The following RANBP2 variants were observed in gnomAD, a reference collection of about 807,000 sequenced individuals.
The protein encoded by RANBP2 is E3 SUMO-protein ligase RanBP2.
Under a neutral mutation model 303.6 loss-of-function variants are expected in RANBP2, and 57 were observed. The ratio of observed to expected loss-of-function variants is 0.19; its 90% CI spans 0.15 to 0.23. RANBP2 has a LOEUF of 0.23. Ranked by LOEUF, RANBP2 falls within the 10% of genes least tolerant of loss-of-function variation. The pLI is 1.00. For synonymous variants in RANBP2, 1,167 were observed against 1,301.5 expected, an observed-to-expected ratio of 0.90 and a Z score of 2.23; for missense variants, 3,138 against 3,780.8, an observed-to-expected ratio of 0.83 and a Z score of 4.46.
At chr2:109,106,020 AT>A in the RANBP2 span, among the ~76,000 whole-genome samples, 1,155 of 142,600 alleles carry the variant, frequency 8.1e-3, 10 homozygotes, top group African/African-American at 0.019. Context: ...TGCCCGGCTA[AT>A]TTTTTTTTTT....
chr2:109,099,669 G>A, the RANBP2 span, among the ~76,000 whole-genome samples: 1 of 152,104 alleles, frequency 6.6e-6, no homozygotes, highest in African/African-American at 2.4e-5. Flanking sequence ...TCTTATAAGG[G>A]GTGGAGGTGA....
chr2:109,020,333 T>C, the RANBP2 span, among the ~76,000 whole-genome samples: 21,566 of 152,060 alleles, frequency 0.14, 2,256 homozygotes, highest in African/African-American at 0.29. Flanking sequence ...ATAACCCTTC[T>C]CCCCGGTTTA....
chr2:108,897,752 C>G, the RANBP2 span, among the ~76,000 whole-genome samples: 1 of 152,168 alleles, frequency 6.6e-6, no homozygotes. Flanking sequence ...ATTAGACTCA[C>G]CTAGGAGCAT....
chr2:109,765,081 G>A, the RANBP2 span, among the ~76,000 whole-genome samples: 1 of 123,508 alleles, frequency 8.1e-6, no homozygotes, highest in East Asian at 2.5e-4. Context: ...TGTTCAGATA[G>A]GCATTATTCT....
chr2:108,843,791 G>A, the RANBP2 span, among the ~76,000 whole-genome samples: 9 of 148,102 alleles, frequency 6.1e-5, no homozygotes, highest in South Asian at 2.1e-4. Flanking sequence ...CTCTGGGCAC[G>A]TTTTTTGCCA....
At chr2:109,555,653 T>G in the RANBP2 span, among the ~76,000 whole-genome samples, 2 of 152,216 alleles carry the variant, frequency 1.3e-5, no homozygotes, top group Non-Finnish European at 2.9e-5. Flanking sequence ...CTTGTGATTA[T>G]CTACAGGGCA....
At chr2:108,939,089 C>G in the RANBP2 span, among the ~76,000 whole-genome samples, 1 of 152,000 alleles carries the variant, frequency 6.6e-6, no homozygotes, top group African/African-American at 2.4e-5. Flanking sequence ...CTCTAGGACT[C>G]TTATATAAGC....
Position 108,785,275 on chromosome 2 carries a change from C to G in RANBP2, c.*1374C>G, listed in dbSNP as rs1678541774. 6.6e-6 allele frequency: 1 copy of G among 152,110 alleles called. No homozygotes were observed. Among genetic ancestry groups the G allele is most frequent in the African/African-American group, 2.4e-5 (1 of 41,410 alleles). The allele number at this position is 152,110 out of a possible 1,614,324, so 9.4% of individuals were successfully genotyped here. ...ATCACCATTCCACTCGGCCACAAAG[C>G]CAGATACTTGAAATAAACCTACTCC... On this transcript the variant is annotated 3_prime_UTR_variant, in exon 29 of 29. Transcript: ENST00000283195.
chr2:109,640,121 A>T, the RANBP2 span, among the ~76,000 whole-genome samples: 1 of 151,148 alleles, frequency 6.6e-6, no homozygotes, highest in Non-Finnish European at 1.5e-5. Context: ...GAAAGCATGC[A>T]CTAAGTAGAA....
At chr2:109,212,049 C>A in the RANBP2 span, among the ~76,000 whole-genome samples, 1 of 152,144 alleles carries the variant, frequency 6.6e-6, no homozygotes, top group African/African-American at 2.4e-5. Flanking sequence ...GTGGGCTTTG[C>A]GGAATTCCAG....
chr2:109,145,704 T>G, the RANBP2 span, among the ~76,000 whole-genome samples: 11,070 of 152,202 alleles, frequency 0.073, 1,288 homozygotes, highest in African/African-American at 0.24. Context: ...TCTTGGGTGT[T>G]CTCACAGGTC....
chr2:109,079,243 G>A, the RANBP2 span, among the ~76,000 whole-genome samples: 1 of 151,940 alleles, frequency 6.6e-6, no homozygotes, highest in Non-Finnish European at 1.5e-5. Context: ...TAGTAAATAC[G>A]GTTTCTCTTC....
chr2:109,585,035 T>C, the RANBP2 span: 3 of 632,022 alleles, frequency 4.7e-6, no homozygotes, highest in East Asian at 2.9e-5. Flanking sequence ...TGGATTACCA[T>C]AGGAGAAAAT....
the RANBP2 span, among the ~76,000 whole-genome samples, chr2:108,845,594 T>C: frequency 6.9e-6 from 1 of 144,532 alleles, no homozygotes; most frequent in Non-Finnish European, 1.5e-5. Flanking sequence ...TTTTTTGAGA[T>C]GGAGTCTCGC....
the RANBP2 span, among the ~76,000 whole-genome samples, chr2:108,925,186 C>T: frequency 6.6e-6 from 1 of 152,246 alleles, no homozygotes; most frequent in Non-Finnish European, 1.5e-5. Context: ...GCCTTGTTCA[C>T]GTCTCTATTC....
chr2:108,847,952 C>G, the RANBP2 span, among the ~76,000 whole-genome samples: 1 of 151,992 alleles, frequency 6.6e-6, no homozygotes. Context: ...GGGATTAGCT[C>G]AAAATAAAGT....
At chr2:109,466,801 ATGTG>A in the RANBP2 span, among the ~76,000 whole-genome samples, 18 of 151,782 alleles carry the variant, frequency 1.2e-4, no homozygotes, top group African/African-American at 4.4e-4. Context: ...GTGTATCTAT[ATGTG>A]TGTATGTCTA....
At chr2:109,405,441 C>T in the RANBP2 span, among the ~76,000 whole-genome samples, 3 of 152,184 alleles carry the variant, frequency 2.0e-5, no homozygotes, top group African/African-American at 4.8e-5. Context: ...TTGGTTGCCT[C>T]TCCAGCTCCC....
chr2:108,791,218 A>G, the RANBP2 span, among the ~76,000 whole-genome samples: 3 of 152,212 alleles, frequency 2.0e-5, no homozygotes, highest in African/African-American at 4.8e-5. Context: ...GAACAATACT[A>G]TTCCAAAAAT....
Sources: gnomAD v4.1 joint callset for allele counts (sites outside exome capture counted in the v4.1 genomes callset) on GRCh38, gnomAD v4.1.1 for gene constraint, MANE v1.5 for transcripts, NCBI Gene and HGNC (gene_info 2026-07-23, HGNC 2026-07-21) for gene names.